Variants in DIAPH2 observed in about 807,000 individuals in gnomAD.
DIAPH2 encodes the protein diaphanous related formin 2, also known as protein diaphanous homolog 2.
A neutral mutation model predicts 92.7 loss-of-function variants in DIAPH2; 35 were observed. That is an observed-to-expected ratio of 0.38 (90% confidence interval 0.29 to 0.50). The LOEUF is 0.50. DIAPH2 is among the 20% of genes least tolerant of loss of function. DIAPH2 has a pLI of 0.94. For synonymous variants in DIAPH2, 301 were observed against 280.4 expected, an observed-to-expected ratio of 1.07 and a Z score of -0.73; for missense variants, 701 against 819.5, an observed-to-expected ratio of 0.86 and a Z score of 1.77.
In DIAPH2 at chrX:97,011,653, C is replaced by T. The variant is rs969807960; in HGVS notation, c.2050+46446C>T. ...CTGTAATCCCAACACTTTGAGATTC[C>T]AAGGCGGGTGGATCACTTGAGGTCA... On this transcript the variant is annotated intron_variant, in intron 17 of 26. Coordinates refer to ENST00000324765, the MANE Select transcript of DIAPH2 (RefSeq NM_006729.5). Among the ~76,000 whole-genome samples, 5 of 109,909 alleles carry T rather than the reference C, an allele frequency of 4.5e-5. No homozygotes were observed. The East Asian group carries it at 1.1e-3, about 25-fold the overall frequency.
chrX:97,053,211 G>A (rs1483747875), intron 17 of DIAPH2, among the ~76,000 whole-genome samples: 3 of 111,434 alleles, frequency 2.7e-5, no homozygotes, highest in Non-Finnish European at 5.7e-5. Context: ...AAGTTCATCT[G>A]GGTTCAGAAT....
chrX:97,062,260 A>T (rs1847212845), intron 17 of DIAPH2, among the ~76,000 whole-genome samples: 1 of 112,213 alleles, frequency 8.9e-6, no homozygotes, highest in Non-Finnish European at 1.9e-5. Context: ...AAGATATTAT[A>T]AAGAGGGCTT....
At chrX:97,192,459 A>T (rs966582317) in intron 22 of DIAPH2, among the ~76,000 whole-genome samples, 15 of 111,113 alleles carry the variant, frequency 1.3e-4, no homozygotes, top group African/African-American at 4.9e-4. Context: ...TCTAAATAGG[A>T]GTTGAGCCAT....
intron 26 of DIAPH2, among the ~76,000 whole-genome samples, chrX:97,539,792 T>G (rs959578409): frequency 1.8e-5 from 2 of 111,704 alleles, no homozygotes; most frequent in African/African-American, 6.5e-5. Context: ...ACTGAATTAA[T>G]TCTATCTTAA....
chrX:96,986,390 A>G (rs2066032007), intron 17 of DIAPH2, among the ~76,000 whole-genome samples: 1 of 111,903 alleles, frequency 8.9e-6, no homozygotes, highest in Non-Finnish European at 1.9e-5. Context: ...TAAACCTATC[A>G]ATAGTTACTT....
At chrX:97,282,533 AC>A (rs2068507282) in intron 23 of DIAPH2, among the ~76,000 whole-genome samples, 1 of 110,844 alleles carries the variant, frequency 9.0e-6, no homozygotes, top group Non-Finnish European at 1.9e-5. Flanking sequence ...CTGGTCTCGA[AC>A]CCCTGACCTC....
chrX:96,844,959 A>C, intron 4 of DIAPH2, among the ~76,000 whole-genome samples: 1 of 112,325 alleles, frequency 8.9e-6, no homozygotes, highest in Non-Finnish European at 1.9e-5. Flanking sequence ...GATTTATTTT[A>C]AAACACTTTG....
intron 5 of DIAPH2, among the ~76,000 whole-genome samples, chrX:96,890,596 C>A (rs2065300763): frequency 9.0e-6 from 1 of 111,076 alleles, no homozygotes; most frequent in Admixed American, 9.7e-5. Context: ...TAATTGGTTT[C>A]TTTTTGTTCA....
intron 26 of DIAPH2, among the ~76,000 whole-genome samples, chrX:97,597,884 T>G (rs1303011810): frequency 9.0e-6 from 1 of 111,588 alleles, no homozygotes; most frequent in African/African-American, 3.3e-5. Context: ...AAAATGCCTC[T>G]TTCTTTCTCA....
At chrX:97,420,877 T>C (rs1435754654) in intron 25 of DIAPH2, among the ~76,000 whole-genome samples, 3 of 112,231 alleles carry the variant, frequency 2.7e-5, no homozygotes, top group Non-Finnish European at 5.6e-5. Context: ...CATAGAACTT[T>C]ATACTTTCTA....
chrX:97,323,760 A>T (rs1464785751), intron 23 of DIAPH2, among the ~76,000 whole-genome samples: 2 of 100,659 alleles, frequency 2.0e-5, no homozygotes, highest in East Asian at 6.6e-4. Context: ...AAAATTAGCC[A>T]GGAGTGGTGG....
At chrX:96,820,017 C>T (rs933728544) in intron 4 of DIAPH2, among the ~76,000 whole-genome samples, 2 of 111,884 alleles carry the variant, frequency 1.8e-5, no homozygotes, top group Admixed American at 9.5e-5. Flanking sequence ...CCACGTACAC[C>T]GAAAGTTATT....
intron 22 of DIAPH2, among the ~76,000 whole-genome samples, chrX:97,163,844 G>T (rs2067392725): frequency 8.9e-6 from 1 of 112,244 alleles, no homozygotes; most frequent in African/African-American, 3.2e-5. Flanking sequence ...TGGCCCCTAG[G>T]AATTTGCCAT....
chrX:96,750,705 A>G (rs1438114442), intron 3 of DIAPH2, among the ~76,000 whole-genome samples: 1 of 112,870 alleles, frequency 8.9e-6, no homozygotes, highest in Non-Finnish European at 1.9e-5. Context: ...AGCAAATACT[A>G]TAAGGTGAGG....
intron 26 of DIAPH2, among the ~76,000 whole-genome samples, chrX:97,557,493 C>A (rs1475761106): frequency 9.0e-6 from 1 of 111,664 alleles, no homozygotes; most frequent in African/African-American, 3.3e-5. Flanking sequence ...GAGCAGAGAT[C>A]GTGCCACTGC....
chrX:97,334,541 TTC>T (rs750791977), intron 23 of DIAPH2, among the ~76,000 whole-genome samples: 3 of 109,193 alleles, frequency 2.7e-5, no homozygotes, highest in Non-Finnish European at 5.7e-5. Context: ...CTGGAGTGTC[TTC>T]TCTCTGGATA....
rs533430280 is a variant in DIAPH2, at chrX:97,210,341, A to G, written c.2720-37374A>G. 2.9e-4 allele frequency among the ~76,000 whole-genome samples: 33 copies of G among 111,954 alleles called. No individual in the cohort carries two copies. In the South Asian group the frequency reaches 0.011, roughly 38 times the overall value. On this transcript the variant is annotated intron_variant, in intron 22 of 26. Transcript: ENST00000324765. ...GTGTTTGTTATCTCTGTGTTCATCT[A>G]TTTATCAGGAAATCACTTCTTAATT...
intron 23 of DIAPH2, among the ~76,000 whole-genome samples, chrX:97,333,568 CT>C (rs1223807858): frequency 9.4e-6 from 1 of 106,222 alleles, no homozygotes; most frequent in East Asian, 3.0e-4. Flanking sequence ...CTTCATATTC[CT>C]TTTTTTTTTC....
At chrX:97,297,558 C>T (rs756239952) in intron 23 of DIAPH2, among the ~76,000 whole-genome samples, 78 of 108,091 alleles carry the variant, frequency 7.2e-4, no homozygotes, top group African/African-American at 2.5e-3. Flanking sequence ...CTACACAATT[C>T]CCCAAACGCC....
Sources: gnomAD v4.1 joint callset for allele counts (sites outside exome capture counted in the v4.1 genomes callset) on GRCh38, gnomAD v4.1.1 for gene constraint, MANE v1.5 for transcripts, NCBI Gene and HGNC (gene_info 2026-07-23, HGNC 2026-07-21) for gene names.